TELO2: variants seen among roughly 807,000 people sequenced by gnomAD.
TELO2 encodes telomere length regulation protein TEL2 homolog.
TELO2 carries 71 observed loss-of-function variants against 91.0 expected under a neutral mutation model. That is an observed-to-expected ratio of 0.78 (90% CI 0.64 to 0.95). The LOEUF (loss-of-function observed/expected upper bound fraction) is 0.95. Ranked by LOEUF, TELO2 falls within the 40% of genes least tolerant of loss-of-function variation. The pLI is 0.00. For missense variants in TELO2, 1,183 were observed against 1,141.3 expected (o/e 1.04, Z -0.53); for synonymous variants, 584 against 518.9 (o/e 1.13, Z -1.71).
intron 14 of TELO2, 42 bp downstream of exon 14, chr16:1,502,803 C>T (rs371193800): frequency 4.4e-5 from 70 of 1,604,270 alleles, no homozygotes; most frequent in Middle Eastern, 3.3e-4. Flanking sequence ...GCAGGCACAG[C>T]GGGAAGCACT....
At position 1,494,257 on chromosome 16, in the gene TELO2, G is replaced by C; in HGVS notation, c.-25G>C. On this transcript the variant is annotated 5_prime_UTR_variant, in exon 2 of 21. Transcript: ENST00000262319. This position sits in a 1 kb window ranked among gnomAD's most constrained non-coding sequence, Gnocchi z 5.6. Reference sequence around the variant, plus strand: ...TGTCCATGTCACAGGTCGTCTTCCCGTGACGCCCAGATCTGTCCTGCAGGA... The same window carrying C: ...TGTCCATGTCACAGGTCGTCTTCCCCTGACGCCCAGATCTGTCCTGCAGGA... 1 of 1,594,794 alleles carries C rather than the reference G, an allele frequency of 6.3e-7. No individual in the cohort carries two copies. Among genetic ancestry groups the C allele is most frequent in the Non-Finnish European group, 8.6e-7 (1 of 1,166,240 alleles).
At chr16:1,500,927 C>G (rs2039656097) in intron 9 of TELO2, among the ~76,000 whole-genome samples, 1 of 152,242 alleles carries the variant, frequency 6.6e-6, no homozygotes, top group South Asian at 2.1e-4. Flanking sequence ...ATTGCCTGGA[C>G]ACGTTCACAG....
At chr16:1,501,951 C>T in intron 11 of TELO2, 96 bp from the exon 12 acceptor site, 1 of 1,552,662 alleles carries the variant, frequency 6.4e-7, no homozygotes, top group South Asian at 1.1e-5. Context: ...GAGGCGTGAG[C>T]TCCGCATCTT....
Position 1,493,639 on chromosome 16 carries a change from G to A in TELO2, c.-37+34G>A. The A allele has an allele frequency of 6.6e-6, 1 of 152,538 alleles. No homozygotes were observed. Among genetic ancestry groups the A allele is most frequent in the Non-Finnish European group, 1.5e-5 (1 of 68,176 alleles). 9.4% of individuals were successfully genotyped at this position (152,538 alleles called of 1,614,324 possible). The stretch of plus-strand genomic sequence containing the variant: ...GGGGGTCGGGGATCGGGGATCGGGG[G>A]TCCGGTTGGGTCGGGTTGGGCTCCA... On this transcript the variant is annotated intron_variant, in intron 1 of 20. Coordinates refer to ENST00000262319, the MANE Select transcript of TELO2 (RefSeq NM_016111.4). This position sits in a 1 kb window ranked among gnomAD's most constrained non-coding sequence, Gnocchi z 4.3.
chr16:1,507,165 GC>G, intron 18 of TELO2, 114 bp downstream of exon 18: 1 of 1,481,156 alleles, frequency 6.8e-7, no homozygotes, highest in Non-Finnish European at 9.1e-7. Context: ...GCCTGTGTGG[GC>G]CCCCGGGCAG....
chr16:1,497,104 C>T lies in TELO2; in HGVS notation c.682C>T (p.Gln228Ter), dbSNP rs1401617204. ...LGKACVHGRQ[Q>*]EILGVLVPRL... ...GAAAGCCTGTGTCCACGGGAGGCAGCGTGAGTAGAGCAGTGCCTTCCTGCC... is the reference window on the plus strand; with the variant it reads ...GAAAGCCTGTGTCCACGGGAGGCAGTGTGAGTAGAGCAGTGCCTTCCTGCC... The change falls in exon 4 of 21, where the codon CAG becomes TAG. Residue 228 changes from glutamine to a stop codon, truncating the protein, a stop_gained and splice_region_variant. Transcript: ENST00000262319. LOFTEE classifies it high-confidence loss of function. The surrounding 1 kb of genome is among the most constrained non-coding windows in gnomAD (Gnocchi z 4.0). The T allele has an allele frequency of 5.6e-6, 9 of 1,613,822 alleles. No homozygotes were observed. The highest frequency in any genetic ancestry group is 1.6e-4 in the Middle Eastern group (1 of 6,070).
rs751825612 is a variant in TELO2 at position 1,495,580 on chromosome 16, G to A, written c.570G>A (p.Glu190=). The A allele has an allele frequency of 2.4e-5, 39 of 1,608,996 alleles. No homozygotes were observed. The Admixed American group carries it at 3.7e-4, about 15-fold the overall frequency. The change falls in exon 3 of 21, where the codon GAG becomes GAA. Residue 190 remains glutamate, a synonymous_variant. Coordinates refer to ENST00000262319, the MANE Select transcript of TELO2 (RefSeq NM_016111.4). ...AGAACTACTTCCGCCTGCTCGGCGA[G>A]GAGGTCGTCCGGGTGCTGCAGGCGG... ...FPQNYFRLLG[E]EVVRVLQAVV...
chr16:1,494,578 C>T lies in TELO2; in HGVS notation c.297C>T (p.Ala99=). The T allele has an allele frequency of 6.2e-7, 1 of 1,613,516 alleles. No individual in the cohort carries two copies. Among genetic ancestry groups the T allele is most frequent in the South Asian group, 1.1e-5 (1 of 91,060 alleles). The change falls in exon 2 of 21, where the codon GCC becomes GCT. Residue 99 remains alanine, a synonymous_variant. Transcript: ENST00000262319. This position sits in a 1 kb window ranked among gnomAD's most constrained non-coding sequence, Gnocchi z 5.6. ...SFFLEGPADQ[A]FLVLMETIEG... ...TCCTGGAGGGCCCGGCGGACCAAGC[C>T]TTCCTGGTGTTGATGGAGACCATCG... is the stretch of plus-strand genomic sequence containing the variant.
chr16:1,498,235 G>A (rs2039561350), intron 5 of TELO2, among the ~76,000 whole-genome samples: 1 of 152,104 alleles, frequency 6.6e-6, no homozygotes, highest in Non-Finnish European at 1.5e-5. Flanking sequence ...GGCTGGTGTT[G>A]AACTCCTGGC....
Position 1,507,061 on chromosome 16 carries a change from G to A in TELO2, c.2226+10G>A. ...GGCTGTTAACACCACGGTGAGCCGG[G>A]AGAGGTCGCCGGGCGCCGGCCTGTG... is the stretch of plus-strand genomic sequence containing the variant. On this transcript the variant is annotated intron_variant, in intron 18 of 20. Coordinates refer to ENST00000262319, the MANE Select transcript of TELO2 (RefSeq NM_016111.4). The A allele has an allele frequency of 6.3e-7, 1 of 1,599,922 alleles. No homozygotes were observed. Among genetic ancestry groups the A allele is most frequent in the African/African-American group, 1.3e-5 (1 of 74,792 alleles).
Position 1,510,200 on chromosome 16 carries a change from ACT to A in TELO2, c.*267_*268del, listed in dbSNP as rs1596279099. 4.9e-5 allele frequency: 24 copies of A among 485,148 alleles called. No individual in the cohort carries two copies. The East Asian group carries it at 9.0e-4, about 18-fold the overall frequency. The allele number at this position is 485,148 out of a possible 1,614,324, so 30.1% of individuals were successfully genotyped here. A position where few individuals can be genotyped will look rare whatever the true frequency, so the allele number is the denominator to read the frequency against. ...GCTGTGGGCGCTGCTGGCGGGGTTG[ACT>A]CTTCCAGTGAGGGCAGAACCAGGCT... On this transcript the variant is annotated 3_prime_UTR_variant, in exon 21 of 21. Coordinates refer to ENST00000262319, the MANE Select transcript of TELO2 (RefSeq NM_016111.4).
At chr16:1,501,866 C>A in intron 11 of TELO2, 93 bp downstream of exon 11, 1 of 1,461,370 alleles carries the variant, frequency 6.8e-7, no homozygotes, top group Non-Finnish European at 9.4e-7. Flanking sequence ...GGGCTCCCTG[C>A]CTGCTCCGTG....
At chr16:1,503,776 C>T (rs998734296) in intron 15 of TELO2, among the ~76,000 whole-genome samples, 2 of 152,024 alleles carry the variant, frequency 1.3e-5, no homozygotes, top group Non-Finnish European at 2.9e-5. Context: ...CTGGCGAGGG[C>T]GGAGGTGATG....
At position 1,494,314 on chromosome 16, in the gene TELO2, C is replaced by A; in HGVS notation, c.33C>A (p.Ala11=). The A allele has an allele frequency of 6.2e-7, 1 of 1,613,376 alleles. No individual in the cohort carries two copies. The highest frequency in any genetic ancestry group is 8.5e-7 in the Non-Finnish European group (1 of 1,179,944). Residue 11 remains alanine (A), a synonymous_variant, in exon 2 of 21, where the codon GCC becomes GCA. Transcript: ENST00000262319. This position sits in a 1 kb window ranked among gnomAD's most constrained non-coding sequence, Gnocchi z 5.6. MEPAPSEVRL[A]VREAIHALSS... is the part of the protein sequence containing the mutation. ...CAGCACCCTCAGAGGTTCGACTCGC[C>A]GTCCGGGAAGCCATTCATGCCCTCT...
chr16:1,501,175 G>C lies in TELO2; in HGVS notation c.1282-245G>C, dbSNP rs192168555. Among the ~76,000 whole-genome samples the C allele has an allele frequency of 6.4e-3, 971 of 152,350 alleles. 16 individuals carry two copies. The highest frequency in any genetic ancestry group is 0.022 in the African/African-American group (924 of 41,580). ...GATCTCTCTGGGGCATTGGCCTTGG[G>C]GGAGGCCCAGCTCCTTCGAGAGGGG... On this transcript the variant is annotated intron_variant, in intron 9 of 20. Transcript: ENST00000262319.
intron 14 of TELO2, 38 bp downstream of exon 14, chr16:1,502,799 A>G (rs906539556): frequency 2.4e-5 from 39 of 1,606,132 alleles, no homozygotes; most frequent in Non-Finnish European, 3.2e-5. Context: ...CAGTGCAGGC[A>G]CAGCGGGAAG....
At chr16:1,507,438 C>T in intron 19 of TELO2, 68 bp downstream of exon 19, 2 of 1,582,122 alleles carry the variant, frequency 1.3e-6, no homozygotes, top group East Asian at 2.3e-5. Flanking sequence ...TTGTGGGGGC[C>T]CCGTGGAGCC....
chr16:1,498,513 C>A (rs1215950827), intron 5 of TELO2, among the ~76,000 whole-genome samples: 1 of 152,152 alleles, frequency 6.6e-6, no homozygotes. Flanking sequence ...TTATAGCTCA[C>A]TGCAGCCTCG....
chr16:1,495,919 A>C (rs1414048420), intron 3 of TELO2, among the ~76,000 whole-genome samples: 2 of 152,204 alleles, frequency 1.3e-5, no homozygotes, highest in Non-Finnish European at 2.9e-5. Flanking sequence ...GTCTGGAGGC[A>C]GACGCTGGCG....
Sources: gnomAD v4.1 joint callset for allele counts (sites outside exome capture counted in the v4.1 genomes callset) on GRCh38, gnomAD v4.1.1 for gene constraint, Gnocchi (gnomAD v3.1) non-coding constraint, MANE v1.5 for transcripts, NCBI Gene and HGNC (gene_info 2026-07-23, HGNC 2026-07-21) for gene names.